HMBOX1: variants seen among roughly 807,000 people sequenced by gnomAD.
HMBOX1 encodes homeobox containing 1.
A neutral mutation model predicts 54.5 loss-of-function variants in HMBOX1; 14 were observed. The ratio of observed to expected loss-of-function variants is 0.26; its 90% CI spans 0.17 to 0.40. HMBOX1 has a LOEUF of 0.40. Ranked by LOEUF, HMBOX1 falls within the 10% of genes least tolerant of loss-of-function variation. HMBOX1 has a pLI of 1.00. For missense variants in HMBOX1, 332 were observed against 514.4 expected, an observed-to-expected ratio of 0.65 and a Z score of 3.43; for synonymous variants, 160 against 181.0, an observed-to-expected ratio of 0.88 and a Z score of 0.93.
At chr8:28,977,941 C>T (rs1443282194) in intron 3 of HMBOX1, among the ~76,000 whole-genome samples, 2 of 144,688 alleles carry the variant, frequency 1.4e-5, no homozygotes, top group Non-Finnish European at 3.0e-5. Context: ...GAGACTCTGT[C>T]TCCAAAAAAA....
intron 1 of HMBOX1, among the ~76,000 whole-genome samples, chr8:28,956,562 A>G (rs943751471): frequency 1.3e-5 from 2 of 152,128 alleles, no homozygotes; most frequent in Non-Finnish European, 2.9e-5. Context: ...TATAATTTTA[A>G]AAAATATGTA....
rs1806415412 is a variant in HMBOX1, at chr8:29,051,429, T to G, written c.*274T>G. On this transcript the variant is annotated 3_prime_UTR_variant, in exon 10 of 10. Coordinates refer to ENST00000287701, the MANE Select transcript of HMBOX1 (RefSeq NM_001135726.3). Reference sequence around the variant, plus strand: ...AAAATCTTGCTGCTCCGTCTTAGCATTCCAAGAAAGTGCTTCCAGGTATTT... The same window carrying G: ...AAAATCTTGCTGCTCCGTCTTAGCAGTCCAAGAAAGTGCTTCCAGGTATTT... 4.4e-6 allele frequency: 3 copies of G among 677,796 alleles called. No individual in the cohort carries two copies. The highest frequency in any genetic ancestry group is 8.2e-6 in the Non-Finnish European group (3 of 367,844). 42.0% of individuals were successfully genotyped at this position (677,796 alleles called of 1,614,324 possible). A position where few individuals can be genotyped will look rare whatever the true frequency, so the allele number is the denominator to read the frequency against.
Position 28,995,871 on chromosome 8 carries a change from G to A in HMBOX1, c.587-13201G>A, listed in dbSNP as rs992543128. Among the ~76,000 whole-genome samples, 6 of 152,118 alleles carry A rather than the reference G, an allele frequency of 3.9e-5. No homozygotes were observed. In the East Asian group the frequency reaches 5.8e-4, roughly 15 times the overall value. ...TAATCCCAGCACTTTGGAAGGCCGCGGCGGGTGGATCACAAGGTCAGGAGA... is the reference window on the plus strand; with the variant it reads ...TAATCCCAGCACTTTGGAAGGCCGCAGCGGGTGGATCACAAGGTCAGGAGA... On this transcript the variant is annotated intron_variant, in intron 4 of 9. Coordinates refer to ENST00000287701, the MANE Select transcript of HMBOX1 (RefSeq NM_001135726.3).
rs1234627828 is a variant in HMBOX1 at position 29,052,544 on chromosome 8, C to T, written c.*1389C>T. The T allele has an allele frequency of 6.6e-6, 1 of 151,542 alleles. No individual in the cohort carries two copies. Among genetic ancestry groups the T allele is most frequent in the African/African-American group, 2.4e-5 (1 of 41,262 alleles). 9.4% of individuals were successfully genotyped at this position (151,542 alleles called of 1,614,324 possible). ...ATTTATATTTGATAAATCTTTTTTT[C>T]ATTTTGAGAACTCAAAATACCAAAC... On this transcript the variant is annotated 3_prime_UTR_variant, in exon 10 of 10. Transcript: ENST00000287701.
chr8:29,032,120 A>C (rs1391920949), intron 6 of HMBOX1, among the ~76,000 whole-genome samples: 1 of 152,238 alleles, frequency 6.6e-6, no homozygotes, highest in Admixed American at 6.5e-5. Context: ...TGTCTTTCGC[A>C]AAGCATCCTA....
At chr8:28,986,856 C>CT (rs934430807) in intron 4 of HMBOX1, among the ~76,000 whole-genome samples, 2 of 151,910 alleles carry the variant, frequency 1.3e-5, no homozygotes, top group African/African-American at 2.4e-5. Flanking sequence ...CATGAAGTTA[C>CT]TTTTTTTTCC....
chr8:29,006,727 C>G (rs1444121746), intron 4 of HMBOX1, among the ~76,000 whole-genome samples: 1 of 152,008 alleles, frequency 6.6e-6, no homozygotes, highest in Non-Finnish European at 1.5e-5. Flanking sequence ...AGATTTTGTC[C>G]TCTTCTCACT....
At chr8:29,021,699 G>T (rs1586541750) in intron 6 of HMBOX1, among the ~76,000 whole-genome samples, 1 of 145,544 alleles carries the variant, frequency 6.9e-6, no homozygotes, top group East Asian at 2.0e-4. Context: ...ACGAAAAATA[G>T]AAAAAAAAAA....
intron 4 of HMBOX1, among the ~76,000 whole-genome samples, chr8:28,994,363 G>A (rs183907699): frequency 3.9e-5 from 6 of 152,126 alleles, no homozygotes; most frequent in Admixed American, 1.3e-4. Context: ...AATAAAGGAA[G>A]CCCTTTAAAT....
At chr8:28,913,065 C>T (rs1585738058) in intron 1 of HMBOX1, among the ~76,000 whole-genome samples, 1 of 152,206 alleles carries the variant, frequency 6.6e-6, no homozygotes, top group East Asian at 1.9e-4. Context: ...ACCATTTCTC[C>T]CTTTTCCTCC....
At chr8:28,986,718 G>A (rs1451451702) in intron 4 of HMBOX1, among the ~76,000 whole-genome samples, 1 of 152,120 alleles carries the variant, frequency 6.6e-6, no homozygotes, top group African/African-American at 2.4e-5. Context: ...ATTTTCTTTT[G>A]TTTTGCAGCC....
In HMBOX1 at chr8:29,052,616, G is replaced by A. The variant is rs1806542138; in HGVS notation, c.*1461G>A. 6.6e-6 allele frequency: 1 copy of A among 152,040 alleles called. No individual in the cohort carries two copies. Among genetic ancestry groups the A allele is most frequent in the Non-Finnish European group, 1.5e-5 (1 of 68,004 alleles). 9.4% of individuals were successfully genotyped at this position (152,040 alleles called of 1,614,324 possible). A position where few individuals can be genotyped will look rare whatever the true frequency, so the allele number is the denominator to read the frequency against. On this transcript the variant is annotated 3_prime_UTR_variant, in exon 10 of 10. Transcript: ENST00000287701. ...CACCCTGTGATCACCTTGTCATCTA[G>A]TAGCAAAATGATGAACTATTCATGC...
At chr8:28,906,723 G>A (rs1814403014) in intron 1 of HMBOX1, among the ~76,000 whole-genome samples, 1 of 152,138 alleles carries the variant, frequency 6.6e-6, no homozygotes, top group Admixed American at 6.5e-5. Context: ...CCAGGTGGCT[G>A]GGATTATAGG....
intron 5 of HMBOX1, among the ~76,000 whole-genome samples, chr8:29,011,126 A>G (rs1425708966): frequency 2.0e-5 from 3 of 152,216 alleles, no homozygotes; most frequent in African/African-American, 7.2e-5. Context: ...GTATTTAGGG[A>G]AATGGATAGC....
chr8:28,904,966 C>T (rs1585679384), intron 1 of HMBOX1, among the ~76,000 whole-genome samples: 1 of 152,046 alleles, frequency 6.6e-6, no homozygotes. Flanking sequence ...TGAGCTACTG[C>T]GCCCGGCCTC....
At chr8:28,916,126 C>T (rs572440454) in intron 1 of HMBOX1, among the ~76,000 whole-genome samples, 1 of 152,274 alleles carries the variant, frequency 6.6e-6, no homozygotes, top group East Asian at 1.9e-4. Flanking sequence ...AAGTTGGCCA[C>T]TGCAGTCAGC....
intron 4 of HMBOX1, among the ~76,000 whole-genome samples, chr8:29,005,455 G>T (rs1270825726): frequency 6.6e-6 from 1 of 152,046 alleles, no homozygotes; most frequent in Non-Finnish European, 1.5e-5. Flanking sequence ...ATGTAACATT[G>T]TATATTCATA....
At chr8:28,936,454 G>C (rs948512882) in intron 1 of HMBOX1, among the ~76,000 whole-genome samples, 10 of 151,894 alleles carry the variant, frequency 6.6e-5, no homozygotes, top group Middle Eastern at 3.4e-3. Context: ...AATAAAACTG[G>C]TCATTAGAGT....
At chr8:29,046,075 A>C (rs1189663615) in intron 7 of HMBOX1, among the ~76,000 whole-genome samples, 4 of 152,246 alleles carry the variant, frequency 2.6e-5, no homozygotes, top group Non-Finnish European at 5.9e-5. Context: ...AACCATTTTC[A>C]GTTAACAGAT....
Sources: allele counts gnomAD v4.1 joint callset (sites outside exome capture counted in the v4.1 genomes callset), GRCh38; gene constraint gnomAD v4.1.1; transcripts MANE v1.5; gene names NCBI Gene and HGNC (gene_info 2026-07-23, HGNC 2026-07-21).